The following DNAH11 variants were observed in gnomAD, a reference collection of about 807,000 sequenced individuals.
DNAH11 encodes the protein axonemal beta dynein heavy chain 11.
In DNAH11, 442 loss-of-function variants were observed where a neutral mutation model predicts 526.0. The observed-to-expected ratio is 0.84, with a 90% confidence interval of 0.78 to 0.91. The LOEUF (loss-of-function observed/expected upper bound fraction) is 0.91. Ranked by LOEUF, DNAH11 falls within the 40% of genes least tolerant of loss-of-function variation. The pLI, the probability that DNAH11 is intolerant of heterozygous loss-of-function variation, is 0.00. For synonymous variants in DNAH11, 2,461 were observed against 1,935.9 expected, an observed-to-expected ratio of 1.27 and a Z score of -7.12; for missense variants, 6,989 against 5,448.7, an observed-to-expected ratio of 1.28 and a Z score of -8.90.
chr7:21,581,879 C>T, intron 8 of DNAH11, 26 bp from the exon 9 acceptor site: 1 of 1,422,718 alleles, frequency 7.0e-7, no homozygotes, highest in African/African-American at 1.4e-5. Context: ...TTCCAATATA[C>T]TAATATTTCA....
In DNAH11 at chr7:21,687,399, T is replaced by C. The variant is rs1783424152; in HGVS notation, c.5796T>C (p.Tyr1932=). ...QMDYKSIGNI[Y]KGLVQTGAWG... Reference sequence around the variant, plus strand: ...TCATTTAGTCCATAGGCAATATCTATAAGGGATTGGTGCAGACAGGAGCTT... The same window carrying C: ...TCATTTAGTCCATAGGCAATATCTACAAGGGATTGGTGCAGACAGGAGCTT... The change falls in exon 34 of 82, where the codon TAT becomes TAC. Residue 1932 remains tyrosine, a synonymous_variant. Transcript: ENST00000409508. 6.2e-6 allele frequency: 10 copies of C among 1,613,486 alleles called. No homozygotes were observed. Among genetic ancestry groups the C allele is most frequent in the Non-Finnish European group, 8.5e-6 (10 of 1,179,712 alleles).
intron 46 of DNAH11, among the ~76,000 whole-genome samples, chr7:21,738,059 T>C (rs1000512712): frequency 7.9e-5 from 12 of 152,232 alleles, no homozygotes; most frequent in Non-Finnish European, 1.2e-4. Flanking sequence ...AAAATACTTA[T>C]AGTCTGTTTG....
intron 8 of DNAH11, among the ~76,000 whole-genome samples, chr7:21,576,777 A>G (rs776445741): frequency 6.6e-5 from 10 of 152,212 alleles, no homozygotes; most frequent in Admixed American, 1.3e-4. Flanking sequence ...AAAGTGTTCA[A>G]TGCACACTTA....
chr7:21,606,504 G>C lies in DNAH11; in HGVS notation c.3727G>C (p.Glu1243Gln), dbSNP rs773337840. Residue 1243 changes from glutamate to glutamine, a missense_variant, in exon 19 of 82, where the codon GAA (glutamate) becomes CAA (glutamine). Coordinates refer to ENST00000409508, the MANE Select transcript of DNAH11 (RefSeq NM_001277115.2). ...RHEVSPLHNA[E>Q]VTLIRKKCIL... is the part of the protein sequence containing the mutation. ...TGAAGTCTCACCTCTCCATAATGCG[G>C]AAGTCACTCTTATAAGGAAAAAATG... is the stretch of plus-strand genomic sequence containing the variant. 6.2e-7 allele frequency: 1 copy of C among 1,611,130 alleles called. No individual in the cohort carries two copies. The highest frequency in any genetic ancestry group is 8.5e-7 in the Non-Finnish European group (1 of 1,179,258).
chr7:21,687,662 G>A, intron 34 of DNAH11, 135 bp downstream of exon 34: 4 of 1,148,558 alleles, frequency 3.5e-6, no homozygotes, highest in Non-Finnish European at 3.6e-6. Context: ...TCGATTTGGG[G>A]GAATTATTTT....
At chr7:21,871,714 C>G (rs17145807) in intron 73 of DNAH11, among the ~76,000 whole-genome samples, 1 of 151,982 alleles carries the variant, frequency 6.6e-6, no homozygotes, top group Non-Finnish European at 1.5e-5. Context: ...TCCTTACCTA[C>G]TGTATTACTT....
At chr7:21,763,476 CATT>C (rs1439550055) in intron 54 of DNAH11, among the ~76,000 whole-genome samples, 1 of 151,470 alleles carries the variant, frequency 6.6e-6, no homozygotes, top group Non-Finnish European at 1.5e-5. Context: ...TTAGGATAGT[CATT>C]ATTTAAAAAA....
rs34356379 is a variant in DNAH11, at chr7:21,612,554, C to CAAA, written c.3853-2540_3853-2538dup. Among the ~76,000 whole-genome samples the CAAA allele has an allele frequency of 1.0e-3, 81 of 81,038 alleles. 1 individual carries two copies. The highest frequency in any genetic ancestry group is 1.8e-3 in the African/African-American group (34 of 19,172). 53.2% of individuals were successfully genotyped at this position (81,038 alleles called of 152,430 possible). A position where few individuals can be genotyped will look rare whatever the true frequency, so the allele number is the denominator to read the frequency against. ...TGGGCGACAGAGTGAGGCTCCGTCTCAAAAAAAAAAAAAAAAAAAAAAGAG... is the reference window on the plus strand; with the variant it reads ...TGGGCGACAGAGTGAGGCTCCGTCTCAAAAAAAAAAAAAAAAAAAAAAAAAGAG... On this transcript the variant is annotated intron_variant, in intron 20 of 81. Transcript: ENST00000409508.
intron 80 of DNAH11, 120 bp downstream of exon 80, chr7:21,899,568 C>A: frequency 1.2e-6 from 1 of 811,026 alleles, no homozygotes; most frequent in Non-Finnish European, 2.0e-6. Context: ...AAGCAGCAGC[C>A]ATTATAGAAA....
In DNAH11 at chr7:21,704,617, T is replaced by C. The variant is rs1223380110; in HGVS notation, c.6457T>C (p.Phe2153Leu). The C allele has an allele frequency of 1.9e-6, 3 of 1,593,374 alleles. No individual in the cohort carries two copies. Among genetic ancestry groups the C allele is most frequent in the South Asian group, 2.3e-5 (2 of 86,142 alleles). The change falls in exon 38 of 82, where the codon TTC (phenylalanine) becomes CTC (leucine). Residue 2153 changes from phenylalanine to leucine, a missense_variant. Coordinates refer to ENST00000409508, the MANE Select transcript of DNAH11 (RefSeq NM_001277115.2). Reference sequence around the variant, plus strand: ...GCTCCGCCTGCAGCCTGAAGAGAGCTTCATCCTCAAAGTAAAAGGAGCATT... The same window carrying C: ...GCTCCGCCTGCAGCCTGAAGAGAGCCTCATCCTCAAAGTAAAAGGAGCATT... ...LELRLQPEES[F>L]ILKVVQLEEL...
In DNAH11 at chr7:21,606,520, G is replaced by C. The variant is rs558419497; in HGVS notation, c.3743G>C (p.Arg1248Thr). 1.9e-6 allele frequency: 3 copies of C among 1,609,240 alleles called. No homozygotes were observed. In the East Asian group the frequency reaches 6.7e-5, roughly 36 times the overall value. The change falls in exon 19 of 82, where the codon AGG (arginine) becomes ACG (threonine). Residue 1248 changes from arginine to threonine, a missense_variant. By Grantham distance (71) the Arg-to-Thr change is moderately conservative. Transcript: ENST00000409508. ...PLHNAEVTLI[R>T]KKCILFDAKQ... ...CATAATGCGGAAGTCACTCTTATAA[G>C]GAAAAAATGTATTTTGTTTGACGTA...
At chr7:21,700,528 A>T (rs753845597) in intron 36 of DNAH11, among the ~76,000 whole-genome samples, 3 of 152,198 alleles carry the variant, frequency 2.0e-5, no homozygotes, top group Non-Finnish European at 4.4e-5. Flanking sequence ...TTGTTACTGC[A>T]ATAACTTAGC....
chr7:21,780,678 T>A (rs1020976410), intron 57 of DNAH11, among the ~76,000 whole-genome samples: 3 of 152,218 alleles, frequency 2.0e-5, no homozygotes, highest in African/African-American at 7.2e-5. Context: ...ACAGGTTGTT[T>A]AGTGAAGTTC....
In DNAH11 at chr7:21,786,859, T is replaced by C. The variant is rs1159507753; in HGVS notation, c.9741+92T>C. On this transcript the variant is annotated intron_variant, in intron 59 of 81. Transcript: ENST00000409508. ...TGCTTAATAGCAAAAGATGTTTAAG[T>C]CAGAAGAAATCATCTTCATAGTTGC... is the stretch of plus-strand genomic sequence containing the variant. 8.0e-6 allele frequency: 12 copies of C among 1,491,954 alleles called. No individual in the cohort carries two copies. The Admixed American group carries it at 2.2e-4, about 27-fold the overall frequency. 92.4% of individuals were successfully genotyped at this position (1,491,954 alleles called of 1,614,324 possible).
intron 63 of DNAH11, among the ~76,000 whole-genome samples, chr7:21,814,419 G>T (rs1181020359): frequency 6.7e-6 from 1 of 150,032 alleles, no homozygotes. Context: ...CATTGTGCGG[G>T]TTAGTTACAT....
At chr7:21,759,197 C>A (rs932714576) in intron 54 of DNAH11, among the ~76,000 whole-genome samples, 1 of 152,054 alleles carries the variant, frequency 6.6e-6, no homozygotes, top group Non-Finnish European at 1.5e-5. Context: ...ATTCCACACA[C>A]AATTTTCTTC....
At position 21,681,744 on chromosome 7, in the gene DNAH11, T is replaced by G. The variant is rs368350839; in HGVS notation, c.5460+67T>G. Reference sequence around the variant, plus strand: ...CTGAAAGTGGTGTTTATTGCCAGAGTAGTTCCAAGAAAGTCGTTGTTTTTT... The same window carrying G: ...CTGAAAGTGGTGTTTATTGCCAGAGGAGTTCCAAGAAAGTCGTTGTTTTTT... On this transcript the variant is annotated intron_variant, in intron 31 of 81. Coordinates refer to ENST00000409508, the MANE Select transcript of DNAH11 (RefSeq NM_001277115.2). The G allele has an allele frequency of 8.2e-6, 13 of 1,585,348 alleles. No homozygotes were observed. In the African/African-American group the frequency reaches 1.5e-4, roughly 18 times the overall value.
intron 30 of DNAH11, among the ~76,000 whole-genome samples, chr7:21,673,747 A>G (rs1488344612): frequency 6.6e-6 from 1 of 152,050 alleles, no homozygotes; most frequent in Non-Finnish European, 1.5e-5. Context: ...TTCCTGCCTT[A>G]TCTTTGTTTT....
At chr7:21,570,541 CTCTT>C (rs1783846464) in intron 7 of DNAH11, 1 of 348,350 alleles carries the variant, frequency 2.9e-6, no homozygotes, top group South Asian at 6.9e-5. Context: ...ATAAGTAAAT[CTCTT>C]TATGTATCAG....
Sources: gnomAD v4.1 joint callset for allele counts (sites outside exome capture counted in the v4.1 genomes callset) on GRCh38, gnomAD v4.1.1 for gene constraint, MANE v1.5 for transcripts, NCBI Gene and HGNC (gene_info 2026-07-23, HGNC 2026-07-21) for gene names.